DUS2: variants seen among roughly 807,000 people sequenced by gnomAD.
The protein encoded by DUS2 is dihydrouridine synthase 2, also known as tRNA-dihydrouridine(20) synthase [NAD(P)+]-like.
In DUS2, 52 loss-of-function variants were observed where a neutral mutation model predicts 71.3. That is an observed-to-expected ratio of 0.73 (90% confidence interval 0.58 to 0.92). The LOEUF (loss-of-function observed/expected upper bound fraction) is 0.92. Among genes scored for constraint, DUS2 ranks in the 40% least tolerant of loss-of-function variants. The pLI is 0.00. For synonymous variants in DUS2, 204 were observed against 227.8 expected (o/e 0.90, Z 0.94); for missense variants, 558 against 622.6 (o/e 0.90, Z 1.10).
intron 5 of DUS2, chr16:68,053,911 G>T (rs566641704): frequency 1.1e-5 from 5 of 454,548 alleles, no homozygotes; most frequent in Non-Finnish European, 2.0e-5. Context: ...TGTAGGAATT[G>T]TCTGTTTGGC....
chr16:68,047,049 CTTTTTTTTT>C (rs1305624703), intron 3 of DUS2, among the ~76,000 whole-genome samples: 2 of 72,168 alleles, frequency 2.8e-5, no homozygotes, highest in Admixed American at 1.9e-4. Context: ...CATGCCCGGC[CTTTTTTTTT>C]TTTTTTTTTT....
chr16:68,060,344 T>C (rs2033921495), intron 7 of DUS2, among the ~76,000 whole-genome samples: 1 of 152,124 alleles, frequency 6.6e-6, no homozygotes, highest in Non-Finnish European at 1.5e-5. Context: ...GATGGAGTCT[T>C]GCCCTGTCAA....
chr16:68,074,985 T>C (rs2034137425), intron 13 of DUS2, among the ~76,000 whole-genome samples: 1 of 152,218 alleles, frequency 6.6e-6, no homozygotes, highest in Non-Finnish European at 1.5e-5. Context: ...TGGTCAGGCC[T>C]CTGTCTCTTC....
At chr16:68,074,916 G>A (rs1200785473) in intron 13 of DUS2, among the ~76,000 whole-genome samples, 1 of 152,188 alleles carries the variant, frequency 6.6e-6, no homozygotes, top group Non-Finnish European at 1.5e-5. Context: ...GTGCCTCAGT[G>A]TCAGCTGAGA....
intron 3 of DUS2, among the ~76,000 whole-genome samples, chr16:68,043,684 A>G (rs2033663055): frequency 6.6e-6 from 1 of 151,796 alleles, no homozygotes; most frequent in South Asian, 2.1e-4. Context: ...TTTTTTTTTG[A>G]GATGGAGTCT....
chr16:68,061,129 G>A lies in DUS2; in HGVS notation c.417+16G>A. ...GATTGAGAAGGTAAGTCCTCCACGA[G>A]TGAAAGCAGGGGTCCTCAAACACAG... is the stretch of plus-strand genomic sequence containing the variant. On this transcript the variant is annotated intron_variant, in intron 8 of 16. Transcript: ENST00000565263. 2 of 1,613,910 alleles carry A rather than the reference G, an allele frequency of 1.2e-6. No homozygotes were observed. Among genetic ancestry groups the A allele is most frequent in the Non-Finnish European group, 1.7e-6 (2 of 1,179,776 alleles).
intron 2 of DUS2, among the ~76,000 whole-genome samples, chr16:68,028,721 A>G (rs927891723): frequency 6.6e-6 from 1 of 152,170 alleles, no homozygotes; most frequent in Non-Finnish European, 1.5e-5. Context: ...AGCCTTTACT[A>G]TGTGCTGAGA....
chr16:68,040,104 G>A (rs979785515), intron 3 of DUS2, among the ~76,000 whole-genome samples: 7 of 147,768 alleles, frequency 4.7e-5, no homozygotes, highest in Admixed American at 6.8e-5. Context: ...TTTTTTTTAA[G>A]ACAGTGTCTC....
chr16:68,029,160 G>A (rs1162218860), intron 2 of DUS2, among the ~76,000 whole-genome samples: 2 of 151,002 alleles, frequency 1.3e-5, no homozygotes, highest in African/African-American at 2.4e-5. Context: ...AGCCATGATT[G>A]TGCCGCTGCA....
intron 2 of DUS2, among the ~76,000 whole-genome samples, chr16:68,035,925 T>TACAC (rs1369853965): frequency 8.7e-6 from 1 of 114,922 alleles, no homozygotes; most frequent in African/African-American, 3.7e-5. Flanking sequence ...TATATATATA[T>TACAC]ATATACACAC....
At chr16:68,038,985 G>T (rs753749819) in intron 3 of DUS2, among the ~76,000 whole-genome samples, 60 of 151,528 alleles carry the variant, frequency 4.0e-4, no homozygotes, top group Non-Finnish European at 7.7e-4. Flanking sequence ...GATTACTTGA[G>T]TCCAGGAGTT....
At chr16:68,070,336 G>A (rs2034066680) in intron 11 of DUS2, 116 bp downstream of exon 11, 1 of 917,744 alleles carries the variant, frequency 1.1e-6, no homozygotes, top group African/African-American at 1.6e-5. Context: ...AAAAGGGCAG[G>A]GCTTTCCACA....
chr16:68,076,808 G>C lies in DUS2; in HGVS notation c.1170+89G>C. On this transcript the variant is annotated intron_variant, in intron 15 of 16. Coordinates refer to ENST00000565263, the MANE Select transcript of DUS2 (RefSeq NM_017803.5). ...ACTCTAGATTGCCAGGCTGGAGCCTGGCCTTGACCTCTGTAGGCATGGAGA... is the reference window on the plus strand; with the variant it reads ...ACTCTAGATTGCCAGGCTGGAGCCTCGCCTTGACCTCTGTAGGCATGGAGA... 5.0e-6 allele frequency: 6 copies of C among 1,194,772 alleles called. 1 individual carries two copies. In the South Asian group the frequency reaches 5.3e-5, roughly 11 times the overall value. The allele number at this position is 1,194,772 out of a possible 1,614,324, so 74.0% of individuals were successfully genotyped here. A position where few individuals can be genotyped will look rare whatever the true frequency, so the allele number is the denominator to read the frequency against.
intron 10 of DUS2, 117 bp downstream of exon 10, chr16:68,066,753 A>G: frequency 9.9e-7 from 1 of 1,007,578 alleles, no homozygotes; most frequent in South Asian, 1.3e-5. Context: ...TATTCAGCCT[A>G]CCTCTGCCTA....
chr16:68,076,913 CT>C (rs113367225), intron 15 of DUS2, among the ~76,000 whole-genome samples, 194 bp downstream of exon 15: 4,994 of 141,814 alleles, frequency 0.035, 235 homozygotes, highest in African/African-American at 0.11. Context: ...AGACATCTCT[CT>C]TTTTTTTTTT....
At chr16:68,078,365 C>A in intron 15 of DUS2, 80 bp from the exon 16 acceptor site, 1 of 1,340,090 alleles carries the variant, frequency 7.5e-7, no homozygotes, top group South Asian at 1.2e-5. Flanking sequence ...TTCCTTTTAT[C>A]TGCCTTTGAT....
intron 3 of DUS2, among the ~76,000 whole-genome samples, chr16:68,045,624 A>AC (rs201075352): frequency 0.013 from 1,961 of 151,864 alleles, 44 homozygotes; most frequent in African/African-American, 0.044. Context: ...AAAAAAAAAA[A>AC]ACATCATCTG....
At chr16:68,035,884 TTATATATATATATATATATATATATA>T (rs71145987) in intron 2 of DUS2, among the ~76,000 whole-genome samples, 30,977 of 113,292 alleles carry the variant, frequency 0.27, 4,586 homozygotes, top group East Asian at 0.44. Context: ...CCCGCTAATT[TTATATATATATATATATATATATATA>T]TATATATATA....
chr16:68,037,630 G>T (rs2033551490), intron 2 of DUS2, among the ~76,000 whole-genome samples: 1 of 151,980 alleles, frequency 6.6e-6, no homozygotes, highest in South Asian at 2.1e-4. Flanking sequence ...TGTTGGCCAG[G>T]CTGGTCTCAA....
Sources: gnomAD v4.1 joint callset for allele counts (sites outside exome capture counted in the v4.1 genomes callset) on GRCh38, gnomAD v4.1.1 for gene constraint, MANE v1.5 for transcripts, NCBI Gene and HGNC (gene_info 2026-07-23, HGNC 2026-07-21) for gene names.